Variants in LUZP2 observed in about 807,000 individuals in gnomAD.
LUZP2 encodes leucine zipper protein 2.
A neutral mutation model predicts 51.6 loss-of-function variants in LUZP2; 52 were observed. That is an observed-to-expected ratio of 1.01 (90% confidence interval 0.81 to 1.27). The LOEUF is 1.27. Ranked by LOEUF, LUZP2 falls within the 50% of genes most tolerant of loss-of-function variation. The pLI is 0.00. For synonymous variants in LUZP2, 154 were observed against 137.3 expected, an observed-to-expected ratio of 1.12 and a Z score of -0.85; for missense variants, 436 against 395.4, an observed-to-expected ratio of 1.10 and a Z score of -0.87.
chr11:24,871,378 T>C (rs17235120), intron 5 of LUZP2, among the ~76,000 whole-genome samples: 3,151 of 152,210 alleles, frequency 0.021, 101 homozygotes, highest in Admixed American at 0.077. Context: ...CAATCCTAGT[T>C]TTTATAATTT....
At chr11:24,537,905 A>T (rs1404427145) in intron 1 of LUZP2, among the ~76,000 whole-genome samples, 1 of 151,848 alleles carries the variant, frequency 6.6e-6, no homozygotes, top group East Asian at 1.9e-4. Flanking sequence ...TAAAAAAAAT[A>T]AATAGGCTAA....
chr11:25,057,038 T>G (rs1249740297), intron 10 of LUZP2, among the ~76,000 whole-genome samples: 1 of 152,174 alleles, frequency 6.6e-6, no homozygotes, highest in South Asian at 2.1e-4. Flanking sequence ...AGGCAGAGGT[T>G]GCAGTCAGCT....
At chr11:24,866,392 C>T (rs1373826807) in intron 5 of LUZP2, among the ~76,000 whole-genome samples, 1 of 152,146 alleles carries the variant, frequency 6.6e-6, no homozygotes, top group African/African-American at 2.4e-5. Context: ...TCCACAGTGA[C>T]TATCTCAATA....
chr11:25,002,988 G>A (rs1856732018), intron 9 of LUZP2, among the ~76,000 whole-genome samples: 1 of 152,142 alleles, frequency 6.6e-6, no homozygotes, highest in Non-Finnish European at 1.5e-5. Context: ...AATGTCTTAG[G>A]GTGAGAATAA....
At chr11:24,859,104 A>G in intron 5 of LUZP2, among the ~76,000 whole-genome samples, 1 of 152,242 alleles carries the variant, frequency 6.6e-6, no homozygotes. Context: ...AGAGAAATTA[A>G]TAGAAGAAGA....
chr11:25,070,911 G>C (rs1859139719), intron 10 of LUZP2, among the ~76,000 whole-genome samples: 1 of 151,384 alleles, frequency 6.6e-6, no homozygotes, highest in African/African-American at 2.4e-5. Flanking sequence ...TTCACATCTT[G>C]AAAAGGTTCC....
chr11:24,606,741 T>A (rs1466939535), intron 1 of LUZP2, among the ~76,000 whole-genome samples: 1 of 152,088 alleles, frequency 6.6e-6, no homozygotes, highest in Non-Finnish European at 1.5e-5. Context: ...TTTTTCGTAT[T>A]GATTATACCA....
At chr11:24,938,938 G>A (rs997114083) in intron 7 of LUZP2, among the ~76,000 whole-genome samples, 3 of 152,028 alleles carry the variant, frequency 2.0e-5, no homozygotes, top group South Asian at 2.1e-4. Flanking sequence ...AGTAGGTCTC[G>A]GAGAGGGCTT....
intron 1 of LUZP2, among the ~76,000 whole-genome samples, chr11:24,571,658 C>G (rs950044313): frequency 2.0e-5 from 3 of 152,016 alleles, no homozygotes; most frequent in African/African-American, 7.2e-5. Context: ...GCAACATGGT[C>G]AAATGACTTA....
chr11:24,631,351 G>A (rs1486686181), intron 1 of LUZP2, among the ~76,000 whole-genome samples: 3 of 150,450 alleles, frequency 2.0e-5, no homozygotes, highest in Admixed American at 6.6e-5. Context: ...TCATTTTGAG[G>A]TACTTTCCTT....
chr11:24,877,492 G>C (rs941855841), intron 5 of LUZP2, among the ~76,000 whole-genome samples: 1 of 151,800 alleles, frequency 6.6e-6, no homozygotes, highest in African/African-American at 2.4e-5. Flanking sequence ...TATATTTGTG[G>C]GGTACATGAG....
intron 5 of LUZP2, among the ~76,000 whole-genome samples, chr11:24,874,672 C>T (rs115839416): frequency 2.9e-3 from 437 of 152,246 alleles, no homozygotes; most frequent in African/African-American, 9.6e-3. Flanking sequence ...GGAAACAACA[C>T]AAGAGTTCTT....
chr11:24,523,215 C>T (rs1912143), intron 1 of LUZP2, among the ~76,000 whole-genome samples: 78,196 of 151,664 alleles, frequency 0.52, 20,395 homozygotes, highest in South Asian at 0.61. Context: ...TCTTCACATT[C>T]TTTGTCTTTA....
chr11:24,942,343 C>T (rs1373619509), intron 7 of LUZP2, among the ~76,000 whole-genome samples: 3 of 152,170 alleles, frequency 2.0e-5, no homozygotes, highest in Non-Finnish European at 4.4e-5. Context: ...GAAAAATCCA[C>T]ATGTCCTGCT....
chr11:24,753,497 A>C (rs1859666842), intron 4 of LUZP2, among the ~76,000 whole-genome samples: 1 of 152,114 alleles, frequency 6.6e-6, no homozygotes, highest in African/African-American at 2.4e-5. Context: ...TTAGAGTCCT[A>C]TTTAGTATGA....
intron 5 of LUZP2, among the ~76,000 whole-genome samples, chr11:24,770,253 A>G (rs531748141): frequency 2.6e-5 from 4 of 152,344 alleles, no homozygotes; most frequent in Admixed American, 1.3e-4. Flanking sequence ...AATGAGTGGG[A>G]TAATATATAA....
At chr11:24,709,041 G>A (rs919603755) in intron 1 of LUZP2, among the ~76,000 whole-genome samples, 3 of 152,114 alleles carry the variant, frequency 2.0e-5, no homozygotes, top group Admixed American at 6.5e-5. Context: ...GTCACATCTA[G>A]AAGTAGAAAG....
intron 5 of LUZP2, among the ~76,000 whole-genome samples, chr11:24,827,961 A>G (rs1241119784): frequency 2.0e-5 from 3 of 152,074 alleles, no homozygotes; most frequent in African/African-American, 7.2e-5. Flanking sequence ...ACCAAGCTGA[A>G]TGACATTTAG....
intron 1 of LUZP2, among the ~76,000 whole-genome samples, chr11:24,548,990 TA>T (rs1851643647): frequency 2.0e-5 from 3 of 152,000 alleles, no homozygotes; most frequent in African/African-American, 7.2e-5. Context: ...ACTGTATACT[TA>T]CCCTATGTTA....
Sources: gnomAD v4.1 joint callset for allele counts (sites outside exome capture counted in the v4.1 genomes callset) on GRCh38, gnomAD v4.1.1 for gene constraint, MANE v1.5 for transcripts, NCBI Gene and HGNC (gene_info 2026-07-23, HGNC 2026-07-21) for gene names.